The following HNF4G variants were observed in gnomAD, a reference collection of about 807,000 sequenced individuals.
HNF4G encodes the protein hepatocyte nuclear factor 4-gamma.
Under a neutral mutation model 50.9 loss-of-function variants are expected in HNF4G, and 21 were observed. The observed-to-expected ratio is 0.41, with a 90% confidence interval of 0.29 to 0.59. The LOEUF is 0.59. Ranked by LOEUF, HNF4G falls within the 20% of genes least tolerant of loss-of-function variation. The pLI is 0.26. For missense variants in HNF4G, 527 were observed against 559.4 expected (o/e 0.94, Z 0.58); for synonymous variants, 198 against 185.6 (o/e 1.07, Z -0.54).
At chr8:75,468,709 T>C (rs982075124) in intron 1 of HNF4G, among the ~76,000 whole-genome samples, 1 of 151,876 alleles carries the variant, frequency 6.6e-6, no homozygotes, top group South Asian at 2.1e-4. Context: ...AAAAAAATTA[T>C]ATGTAGAGTT....
intron 3 of HNF4G, among the ~76,000 whole-genome samples, chr8:75,548,519 A>G (rs962047111): frequency 6.6e-6 from 1 of 152,162 alleles, no homozygotes; most frequent in African/African-American, 2.4e-5. Flanking sequence ...GAGACAAGAG[A>G]CTAGATGTGC....
chr8:75,426,029 T>C (rs139740393), intron 1 of HNF4G, among the ~76,000 whole-genome samples: 672 of 152,322 alleles, frequency 4.4e-3, no homozygotes, highest in Admixed American at 0.011. Flanking sequence ...GTAAGAATAT[T>C]ACACTATCAT....
intron 3 of HNF4G, among the ~76,000 whole-genome samples, chr8:75,548,117 T>C (rs1042221190): frequency 4.0e-5 from 6 of 151,808 alleles, no homozygotes; most frequent in African/African-American, 1.2e-4. Context: ...CTCCAGTAGC[T>C]GGGACTACAG....
intron 1 of HNF4G, among the ~76,000 whole-genome samples, chr8:75,474,825 G>A (rs1449995336): frequency 6.6e-6 from 1 of 151,848 alleles, no homozygotes; most frequent in East Asian, 1.9e-4. Context: ...AGCCTCCGGA[G>A]TAGCTGGTAT....
chr8:75,537,739 A>G (rs184736120), upstream of HNF4G, among the ~76,000 whole-genome samples: 1 of 152,214 alleles, frequency 6.6e-6, no homozygotes, highest in Admixed American at 6.5e-5. Flanking sequence ...CTAGAAATCA[A>G]AGGCAATGTA....
upstream of HNF4G, among the ~76,000 whole-genome samples, chr8:75,537,454 G>C (rs1806495883): frequency 6.6e-6 from 1 of 151,880 alleles, no homozygotes; most frequent in East Asian, 1.9e-4. Context: ...CCATGTTGCT[G>C]TGGCTGGTCT....
intron 6 of HNF4G, 30 bp from the exon 7 acceptor site, chr8:75,558,488 T>C (rs932355528): frequency 2.5e-6 from 4 of 1,590,692 alleles, no homozygotes; most frequent in Non-Finnish European, 3.4e-6. Context: ...GGTTATTTTG[T>C]TTTGTTTTGT....
intron 1 of HNF4G, among the ~76,000 whole-genome samples, chr8:75,486,353 C>A (rs1173511772): frequency 6.6e-6 from 1 of 152,192 alleles, no homozygotes; most frequent in Admixed American, 6.5e-5. Context: ...CTGGTTGAAC[C>A]TTAGCAGTAC....
chr8:75,479,215 G>T (rs188114976), intron 1 of HNF4G, among the ~76,000 whole-genome samples: 3 of 152,110 alleles, frequency 2.0e-5, no homozygotes, highest in African/African-American at 7.2e-5. Context: ...CATCAATAGA[G>T]GCAAAGGATT....
chr8:75,466,617 C>T (rs1811986599), intron 1 of HNF4G, among the ~76,000 whole-genome samples: 1 of 109,942 alleles, frequency 9.1e-6, no homozygotes, highest in Non-Finnish European at 2.0e-5. Flanking sequence ...TCCTTCCTTC[C>T]TTCCTTCCTT....
chr8:75,554,223 G>A (rs1807050973), intron 5 of HNF4G, among the ~76,000 whole-genome samples: 1 of 152,106 alleles, frequency 6.6e-6, no homozygotes, highest in African/African-American at 2.4e-5. Flanking sequence ...ACGCTAAATT[G>A]CTAAAACCTA....
rs2272669 is a variant in HNF4G, at chr8:75,564,222, G to A, written c.*126G>A. 0.48 allele frequency: 445,746 copies of A among 934,454 alleles called. 110,784 individuals are homozygous for A. The highest frequency in any genetic ancestry group is 0.72 in the African/African-American group (43,126 of 59,920). The allele number at this position is 934,454 out of a possible 1,614,324, so 57.9% of individuals were successfully genotyped here. Reference sequence around the variant, plus strand: ...TTCATTGGTGCTGTTATAAGATGGTGTCCTATTTTCTTGTTTATACGTTCA... The same window carrying A: ...TTCATTGGTGCTGTTATAAGATGGTATCCTATTTTCTTGTTTATACGTTCA... On this transcript the variant is annotated 3_prime_UTR_variant, in exon 10 of 10. Coordinates refer to ENST00000396423, the MANE Select transcript of HNF4G (RefSeq NM_004133.5).
At chr8:75,476,826 T>G (rs1057478302) in intron 1 of HNF4G, among the ~76,000 whole-genome samples, 2 of 152,136 alleles carry the variant, frequency 1.3e-5, no homozygotes, top group African/African-American at 4.8e-5. Context: ...CTGGGGCAGG[T>G]GAATGAATGC....
intron 2 of HNF4G, among the ~76,000 whole-genome samples, chr8:75,520,430 T>C (rs1806008429): frequency 6.6e-6 from 1 of 151,994 alleles, no homozygotes; most frequent in South Asian, 2.1e-4. Flanking sequence ...TTTCTTTTTA[T>C]GTTTTTTTTT....
At chr8:75,544,448 C>A (rs1407223540) in intron 2 of HNF4G, among the ~76,000 whole-genome samples, 3 of 152,142 alleles carry the variant, frequency 2.0e-5, no homozygotes, top group Non-Finnish European at 4.4e-5. Context: ...GCCATTACAT[C>A]CTAGGTCTAA....
At chr8:75,492,493 C>A (rs1476457504) in intron 2 of HNF4G, among the ~76,000 whole-genome samples, 1 of 152,138 alleles carries the variant, frequency 6.6e-6, no homozygotes, top group Non-Finnish European at 1.5e-5. Context: ...TTGTGACCCC[C>A]CTATGTTTGC....
At chr8:75,560,572 T>C (rs1807281879) in intron 9 of HNF4G, 106 bp downstream of exon 9, 13 of 1,028,852 alleles carry the variant, frequency 1.3e-5, no homozygotes, top group Middle Eastern at 2.5e-4. Context: ...AAAAACTTGG[T>C]GTAATTTCCC....
chr8:75,558,898 C>T lies in HNF4G; in HGVS notation c.984C>T (p.Ser328=). The T allele has an allele frequency of 6.2e-7, 1 of 1,613,936 alleles. No homozygotes were observed. The highest frequency in any genetic ancestry group is 8.5e-7 in the Non-Finnish European group (1 of 1,179,904). Residue 328 remains serine, a synonymous_variant, in exon 8 of 10, where the codon TCC becomes TCT. Transcript: ENST00000396423. ...ACATCAATGATCGGCAGTATGACTC[C>T]CGGGGGAGGTTTGGAGAGTTGCTTC... ...EDYINDRQYD[S]RGRFGELLLL...
intron 2 of HNF4G, among the ~76,000 whole-genome samples, chr8:75,523,023 G>A (rs565362600): frequency 2.4e-4 from 36 of 152,074 alleles, no homozygotes; most frequent in Middle Eastern, 3.4e-3. Context: ...TCAGGAGATC[G>A]AGACCAGCCT....
Sources: allele counts gnomAD v4.1 joint callset (sites outside exome capture counted in the v4.1 genomes callset), GRCh38; gene constraint gnomAD v4.1.1; transcripts MANE v1.5; gene names NCBI Gene and HGNC (gene_info 2026-07-23, HGNC 2026-07-21).